Variants in BTF3L4 observed in about 807,000 individuals in gnomAD.
The protein encoded by BTF3L4 is basic transcription factor 3 like 4.
In BTF3L4, 6 loss-of-function variants were observed where a neutral mutation model predicts 16.8. The ratio of observed to expected loss-of-function variants is 0.36; its 90% CI spans 0.20 to 0.71. BTF3L4 has a LOEUF of 0.71. Ranked by LOEUF, BTF3L4 falls within the 30% of genes least tolerant of loss-of-function variation. The probability of loss-of-function intolerance (pLI) is 0.58; values close to 1 mark genes in which losing one functional copy is unlikely to be tolerated. For synonymous variants in BTF3L4, 39 were observed against 59.8 expected (o/e 0.65, Z 1.60); for missense variants, 92 against 186.9 (o/e 0.49, Z 2.96).
At chr1:52,070,306 TAATA>T (rs1686753606) in intron 3 of BTF3L4, among the ~76,000 whole-genome samples, 2 of 2,874 alleles carry the variant, frequency 7.0e-4, no homozygotes, top group Non-Finnish European at 0.011. Flanking sequence ...TTCATTGGTA[TAATA>T]GTTCATTTGG....
intron 4 of BTF3L4, 63 bp from the exon 5 acceptor site, chr1:52,086,049 C>T: frequency 8.8e-7 from 1 of 1,137,666 alleles, no homozygotes; most frequent in Non-Finnish European, 1.3e-6. Flanking sequence ...AAGGGATAAA[C>T]ATTATAAGTT....
intron 3 of BTF3L4, among the ~76,000 whole-genome samples, chr1:52,081,945 A>G (rs1172317579): frequency 6.6e-6 from 1 of 152,188 alleles, no homozygotes; most frequent in Non-Finnish European, 1.5e-5. Flanking sequence ...TGAGGAAGAA[A>G]AGCCCTCTTC....
chr1:52,083,471 A>C lies in BTF3L4; in HGVS notation c.300A>C (p.Gly100=). 1 of 1,613,238 alleles carries C rather than the reference A, an allele frequency of 6.2e-7. No homozygotes were observed. ...EAKPITEMLP[G]ILSQLGADSL... ...AACCAATCACAGAAATGCTTCCTGG[A>C]ATATTAAGTCAGCTTGGTGCTGACA... The change falls in exon 4 of 6, where the codon GGA becomes GGC. Residue 100 remains glycine, a synonymous_variant. Coordinates refer to ENST00000313334, the MANE Select transcript of BTF3L4 (RefSeq NM_152265.5).
At chr1:52,079,369 G>A (rs1643893923) in intron 3 of BTF3L4, among the ~76,000 whole-genome samples, 1 of 119,602 alleles carries the variant, frequency 8.4e-6, no homozygotes, top group African/African-American at 3.1e-5. Context: ...GCAACAAAGT[G>A]AGACTCCATC....
At position 52,088,713 on chromosome 1, in the gene BTF3L4, T is replaced by C. The variant is rs1386314135; in HGVS notation, c.*1955T>C. 1 of 152,212 alleles carries C rather than the reference T, an allele frequency of 6.6e-6. No homozygotes were observed. Among genetic ancestry groups the C allele is most frequent in the Non-Finnish European group, 1.5e-5 (1 of 68,054 alleles). 9.4% of individuals were successfully genotyped at this position (152,212 alleles called of 1,614,324 possible). A position where few individuals can be genotyped will look rare whatever the true frequency, so the allele number is the denominator to read the frequency against. On this transcript the variant is annotated 3_prime_UTR_variant, in exon 6 of 6. Coordinates refer to ENST00000313334, the MANE Select transcript of BTF3L4 (RefSeq NM_152265.5). The stretch of plus-strand genomic sequence containing the variant: ...TGTGTCCTAGTCAAAACTCTGGCAT[T>C]ATGTGACCTTGGACAGGTCATCTAA...
intron 3 of BTF3L4, among the ~76,000 whole-genome samples, chr1:52,074,964 C>T (rs867885166): frequency 4.6e-5 from 7 of 151,652 alleles, no homozygotes; most frequent in Middle Eastern, 3.5e-3. Context: ...CCTATGTTGC[C>T]CAGGCTGGTC....
intron 5 of BTF3L4, 83 bp downstream of exon 5, chr1:52,086,254 G>A: frequency 9.5e-7 from 1 of 1,051,822 alleles, no homozygotes. Flanking sequence ...TTTTAGGTTT[G>A]TGTTGATTGT....
At chr1:52,080,064 G>C (rs981083686) in intron 3 of BTF3L4, among the ~76,000 whole-genome samples, 7 of 151,606 alleles carry the variant, frequency 4.6e-5, no homozygotes, top group Non-Finnish European at 8.8e-5. Context: ...TAGAGATGGG[G>C]TTTCACTATG....
intron 3 of BTF3L4, among the ~76,000 whole-genome samples, chr1:52,074,142 G>A (rs1686869685): frequency 6.6e-6 from 1 of 151,964 alleles, no homozygotes; most frequent in African/African-American, 2.4e-5. Flanking sequence ...TTCCAGCCTG[G>A]GTGACAGAGC....
chr1:52,077,584 A>G (rs574938841), intron 3 of BTF3L4, among the ~76,000 whole-genome samples: 1 of 152,328 alleles, frequency 6.6e-6, no homozygotes, highest in African/African-American at 2.4e-5. Flanking sequence ...ACAACTGCTA[A>G]TTCTCTTTTA....
intron 3 of BTF3L4, among the ~76,000 whole-genome samples, chr1:52,068,827 T>A (rs1427629946): frequency 6.6e-6 from 1 of 152,170 alleles, no homozygotes; most frequent in Non-Finnish European, 1.5e-5. Flanking sequence ...TTTCTCCTTT[T>A]TCAGGTCTTA....
intron 2 of BTF3L4, chr1:52,060,740 C>CAAGGG (rs1017683515): frequency 1.8e-5 from 9 of 504,732 alleles, no homozygotes; most frequent in Non-Finnish European, 1.6e-5. Flanking sequence ...GGGATGAGCA[C>CAAGGG]AAGGGAAGGG....
intron 3 of BTF3L4, among the ~76,000 whole-genome samples, chr1:52,072,576 T>A (rs930028192): frequency 6.6e-6 from 1 of 152,184 alleles, no homozygotes; most frequent in Non-Finnish European, 1.5e-5. Context: ...TCATGCAGTA[T>A]TTGTCCTTTT....
intron 3 of BTF3L4, among the ~76,000 whole-genome samples, chr1:52,069,139 C>A (rs1686723092): frequency 6.6e-6 from 1 of 152,120 alleles, no homozygotes; most frequent in African/African-American, 2.4e-5. Context: ...GTCTTCTAAC[C>A]CTCACAGGAT....
intron 3 of BTF3L4, among the ~76,000 whole-genome samples, chr1:52,066,829 G>A (rs1207003383): frequency 1.3e-5 from 2 of 151,788 alleles, no homozygotes; most frequent in African/African-American, 4.8e-5. Context: ...CTGGGCAACA[G>A]AGCGAGACTC....
At chr1:52,072,010 T>C (rs1168712912) in intron 3 of BTF3L4, among the ~76,000 whole-genome samples, 9 of 134,538 alleles carry the variant, frequency 6.7e-5, no homozygotes, top group Non-Finnish European at 1.3e-4. Flanking sequence ...AATTTGCCAT[T>C]TTAGCCAGGG....
At position 52,059,964 on chromosome 1, in the gene BTF3L4, C is replaced by A. The variant is rs536099635; in HGVS notation, c.54+63C>A. ...TGATTACCAGATAGTGTTATTATTTCGGATTTGTGGTCATTGAAAATCTAA... is the reference window on the plus strand; with the variant it reads ...TGATTACCAGATAGTGTTATTATTTAGGATTTGTGGTCATTGAAAATCTAA... On this transcript the variant is annotated intron_variant, in intron 2 of 5. Transcript: ENST00000313334. The A allele has an allele frequency of 6.2e-6, 9 of 1,461,204 alleles. No individual in the cohort carries two copies. The Admixed American group carries it at 7.7e-5, about 13-fold the overall frequency. The allele number at this position is 1,461,204 out of a possible 1,614,324, so 90.5% of individuals were successfully genotyped here. A position where few individuals can be genotyped will look rare whatever the true frequency, so the allele number is the denominator to read the frequency against.
chr1:52,085,913 G>A (rs1643967586), intron 4 of BTF3L4, among the ~76,000 whole-genome samples, 199 bp from the exon 5 acceptor site: 1 of 150,298 alleles, frequency 6.7e-6, no homozygotes, highest in South Asian at 2.1e-4. Context: ...TGCCAGCTGT[G>A]TTATCAGTGT....
At chr1:52,080,775 C>A (rs1372958013) in intron 3 of BTF3L4, among the ~76,000 whole-genome samples, 1 of 151,156 alleles carries the variant, frequency 6.6e-6, no homozygotes, top group Non-Finnish European at 1.5e-5. Context: ...CTCAGGCAGT[C>A]CACCAGCCTC....
Sources: allele counts gnomAD v4.1 joint callset (sites outside exome capture counted in the v4.1 genomes callset), GRCh38; gene constraint gnomAD v4.1.1; transcripts MANE v1.5; gene names NCBI Gene and HGNC (gene_info 2026-07-23, HGNC 2026-07-21).